The following CNTNAP2 variants were observed in gnomAD, a reference collection of about 807,000 sequenced individuals.
CNTNAP2 encodes contactin associated protein 2.
A neutral mutation model predicts 155.2 loss-of-function variants in CNTNAP2; 98 were observed. That is an observed-to-expected ratio of 0.63 (90% CI 0.54 to 0.75). The LOEUF is 0.75. Ranked by LOEUF, CNTNAP2 falls within the 30% of genes least tolerant of loss-of-function variation. The pLI, the probability that CNTNAP2 is intolerant of heterozygous loss-of-function variation, is 0.00. For synonymous variants in CNTNAP2, 651 were observed against 631.2 expected, an observed-to-expected ratio of 1.03 and a Z score of -0.47; for missense variants, 1,727 against 1,688.1, an observed-to-expected ratio of 1.02 and a Z score of -0.40.
chr7:147,685,412 A>G (rs558981239), intron 13 of CNTNAP2, among the ~76,000 whole-genome samples: 5 of 151,968 alleles, frequency 3.3e-5, no homozygotes, highest in Non-Finnish European at 7.4e-5. Flanking sequence ...AATATAACTC[A>G]GAGTGTTTGA....
At chr7:146,474,772 T>C (rs1221872661) in intron 1 of CNTNAP2, among the ~76,000 whole-genome samples, 1 of 152,204 alleles carries the variant, frequency 6.6e-6, no homozygotes, top group Non-Finnish European at 1.5e-5. Flanking sequence ...AAAGTAGACC[T>C]GACTGTATCT....
intron 21 of CNTNAP2, among the ~76,000 whole-genome samples, chr7:148,312,384 C>T (rs1265616479): frequency 1.3e-5 from 2 of 152,168 alleles, no homozygotes; most frequent in African/African-American, 4.8e-5. Context: ...GAAATTTGGG[C>T]TTGACTGAAG....
chr7:146,384,163 A>T (rs949334038), intron 1 of CNTNAP2, among the ~76,000 whole-genome samples: 1 of 152,248 alleles, frequency 6.6e-6, no homozygotes, highest in South Asian at 2.1e-4. Flanking sequence ...AATATATCAG[A>T]AAGTAAAAGT....
chr7:146,940,827 A>T (rs942343233), intron 3 of CNTNAP2, among the ~76,000 whole-genome samples: 4 of 132,778 alleles, frequency 3.0e-5, no homozygotes, highest in African/African-American at 1.1e-4. Flanking sequence ...GTGTATATAC[A>T]TATAGAGAGA....
intron 8 of CNTNAP2, among the ~76,000 whole-genome samples, chr7:147,232,022 C>T (rs1189172119): frequency 1.3e-5 from 2 of 152,106 alleles, no homozygotes; most frequent in Non-Finnish European, 1.5e-5. Flanking sequence ...CATTTTTATA[C>T]ACTGAAAACA....
intron 1 of CNTNAP2, among the ~76,000 whole-genome samples, chr7:146,182,280 A>G (rs545500976): frequency 6.6e-6 from 1 of 152,242 alleles, no homozygotes; most frequent in South Asian, 2.1e-4. Context: ...AGGATACTTC[A>G]CTAGTCCAAT....
At chr7:146,450,917 G>A (rs939885483) in intron 1 of CNTNAP2, among the ~76,000 whole-genome samples, 1 of 147,962 alleles carries the variant, frequency 6.8e-6, no homozygotes, top group South Asian at 2.1e-4. Flanking sequence ...TAGAGATGCT[G>A]TTATTTTCAT....
chr7:146,947,402 CTCTCTCTCTATATA>C (rs1374497822), intron 3 of CNTNAP2, among the ~76,000 whole-genome samples: 1 of 131,576 alleles, frequency 7.6e-6, no homozygotes, highest in Non-Finnish European at 1.6e-5. Flanking sequence ...CTCTCTCTCT[CTCTCTCTCTATATA>C]TATATATATA....
At chr7:146,246,423 G>A (rs960361184) in intron 1 of CNTNAP2, among the ~76,000 whole-genome samples, 84 of 150,358 alleles carry the variant, frequency 5.6e-4, no homozygotes, top group Non-Finnish European at 1.5e-4. Flanking sequence ...GTCTAAGTTG[G>A]CATGAGAGTG....
intron 15 of CNTNAP2, among the ~76,000 whole-genome samples, chr7:147,990,461 A>C (rs1221390238): frequency 6.6e-6 from 1 of 151,422 alleles, no homozygotes; most frequent in Non-Finnish European, 1.5e-5. Flanking sequence ...AGAGAAGTTT[A>C]TTGCAGGGTT....
At chr7:148,380,773 A>C (rs551813003) in intron 21 of CNTNAP2, among the ~76,000 whole-genome samples, 1 of 152,180 alleles carries the variant, frequency 6.6e-6, no homozygotes, top group Non-Finnish European at 1.5e-5. Context: ...GGGATACTGC[A>C]TAATAAGTAC....
intron 1 of CNTNAP2, among the ~76,000 whole-genome samples, chr7:146,570,541 A>G (rs984285393): frequency 6.6e-6 from 1 of 152,198 alleles, no homozygotes; most frequent in African/African-American, 2.4e-5. Context: ...TGAAGCAGGT[A>G]TATCTCTAAG....
At chr7:147,239,915 A>T (rs1803900707) in intron 8 of CNTNAP2, among the ~76,000 whole-genome samples, 1 of 152,108 alleles carries the variant, frequency 6.6e-6, no homozygotes, top group Admixed American at 6.6e-5. Flanking sequence ...AATATTTTTT[A>T]TTTCAAAGTT....
chr7:146,364,762 A>G (rs527554946), intron 1 of CNTNAP2, among the ~76,000 whole-genome samples: 1 of 152,356 alleles, frequency 6.6e-6, no homozygotes, highest in Non-Finnish European at 1.5e-5. Flanking sequence ...TGTATGGAAC[A>G]ATACAATGAA....
intron 15 of CNTNAP2, among the ~76,000 whole-genome samples, chr7:148,069,331 C>T (rs921843190): frequency 6.6e-6 from 1 of 152,060 alleles, no homozygotes; most frequent in South Asian, 2.1e-4. Flanking sequence ...AGTTTAGGCC[C>T]CCAGGCTTCA....
intron 5 of CNTNAP2, among the ~76,000 whole-genome samples, chr7:147,116,164 G>T (rs1297432746): frequency 6.6e-6 from 1 of 152,156 alleles, no homozygotes; most frequent in Non-Finnish European, 1.5e-5. Flanking sequence ...GAAGCCTGCA[G>T]GACAGCAAAG....
chr7:147,415,866 G>A (rs978832535), intron 10 of CNTNAP2, among the ~76,000 whole-genome samples: 1 of 152,146 alleles, frequency 6.6e-6, no homozygotes, highest in Admixed American at 6.5e-5. Context: ...AGGCCAAGGT[G>A]CATGGTCACC....
intron 1 of CNTNAP2, among the ~76,000 whole-genome samples, chr7:146,491,808 C>T (rs973517878): frequency 3.9e-5 from 6 of 152,130 alleles, no homozygotes; most frequent in African/African-American, 1.4e-4. Context: ...CATCCTCTGC[C>T]TACTTTGTGA....
chr7:146,119,122 G>T lies in CNTNAP2; in HGVS notation c.97+2149G>T, dbSNP rs537925448. On this transcript the variant is annotated intron_variant, in intron 1 of 23. Transcript: ENST00000361727. ...TTCTTAATATAAAACATTCAAAGGAGAAAAAGATGGAAACTACATGAATCT... is the reference window on the plus strand; with the variant it reads ...TTCTTAATATAAAACATTCAAAGGATAAAAAGATGGAAACTACATGAATCT... Among the ~76,000 whole-genome samples, 36 of 152,036 alleles carry T rather than the reference G, an allele frequency of 2.4e-4. No individual in the cohort carries two copies. The South Asian group carries it at 5.4e-3, about 23-fold the overall frequency.
Sources: allele counts gnomAD v4.1 joint callset (sites outside exome capture counted in the v4.1 genomes callset), GRCh38; gene constraint gnomAD v4.1.1; transcripts MANE v1.5; gene names NCBI Gene and HGNC (gene_info 2026-07-23, HGNC 2026-07-21).